FMNL1: variants seen among roughly 807,000 people sequenced by gnomAD.
The protein encoded by FMNL1 is formin-like protein 1.
In FMNL1, 43 loss-of-function variants were observed where a neutral mutation model predicts 121.3. That is an observed-to-expected ratio of 0.35 (90% CI 0.28 to 0.46). FMNL1 has a LOEUF of 0.46. Among genes scored for constraint, FMNL1 ranks in the 20% least tolerant of loss-of-function variants. The pLI is 1.00. For missense variants in FMNL1, 1,191 were observed against 1,482.4 expected (o/e 0.80, Z 3.23); for synonymous variants, 613 against 613.5 (o/e 1.00, Z 0.01).
rs2143366989 is a variant in FMNL1, at chr17:45,233,658, G to A, written c.412G>A (p.Glu138Lys). The A allele has an allele frequency of 6.2e-7, 1 of 1,614,040 alleles. No individual in the cohort carries two copies. Among genetic ancestry groups the A allele is most frequent in the Non-Finnish European group, 8.5e-7 (1 of 1,179,992 alleles). Reference protein sequence around the residue: ...LRTNHIGWVQEFLNEENRGLD... With the variant: ...LRTNHIGWVQKFLNEENRGLD... The stretch of plus-strand genomic sequence containing the variant: ...GCCCTGTGCCCACAGGTGGGTGCAG[G>A]AGTTCCTCAATGAAGAGAACCGTGG... The change falls in exon 5 of 27, where the codon GAG (glutamate) becomes AAG (lysine). Residue 138 changes from glutamate (E) to lysine (K), a missense_variant. Transcript: ENST00000331495. The surrounding 1 kb of genome is among the most constrained non-coding windows in gnomAD (Gnocchi z 4.1).
Position 45,222,256 on chromosome 17 carries a change from G to C in FMNL1, c.129+3G>C, listed in dbSNP as rs2043241194. 1.8e-5 allele frequency: 21 copies of C among 1,197,324 alleles called. No homozygotes were observed. The highest frequency in any genetic ancestry group is 1.9e-5 in the Non-Finnish European group (18 of 964,394). The allele number at this position is 1,197,324 out of a possible 1,614,324, so 74.2% of individuals were successfully genotyped here. A position where few individuals can be genotyped will look rare whatever the true frequency, so the allele number is the denominator to read the frequency against. On this transcript the variant is annotated splice_donor_region_variant and intron_variant, in intron 1 of 26. Transcript: ENST00000331495. ...AGGAGAGGTTCAACCGCGCCCTGGT[G>C]AGTGCGACCCGGAGGCGGGTCGGGC...
At chr17:45,234,875 C>T in intron 6 of FMNL1, 1 of 153,904 alleles carries the variant, frequency 6.5e-6, no homozygotes, top group Non-Finnish European at 1.4e-5. Flanking sequence ...GGGGCAGGTG[C>T]ATGCCTGGCT....
chr17:45,228,329 G>C (rs973096360), intron 1 of FMNL1, among the ~76,000 whole-genome samples: 2 of 152,132 alleles, frequency 1.3e-5, no homozygotes, highest in African/African-American at 4.8e-5. Context: ...GGTGGGGAAG[G>C]GGCATGGGCA....
At position 45,237,445 on chromosome 17, in the gene FMNL1, C is replaced by T; in HGVS notation, c.800+88C>T. 1 of 1,606,220 alleles carries T rather than the reference C, an allele frequency of 6.2e-7. No individual in the cohort carries two copies. Among genetic ancestry groups the T allele is most frequent in the South Asian group, 1.1e-5 (1 of 90,920 alleles). On this transcript the variant is annotated intron_variant, in intron 8 of 26. Transcript: ENST00000331495. This position sits in a 1 kb window ranked among gnomAD's most constrained non-coding sequence, Gnocchi z 4.4. The stretch of plus-strand genomic sequence containing the variant: ...TACTCTGTCCTCCAGGTCTCAGAGG[C>T]TCATTCTGCACCCACTATGCTCCTC...
At chr17:45,224,472 G>A (rs1021215215) in intron 1 of FMNL1, among the ~76,000 whole-genome samples, 2 of 152,176 alleles carry the variant, frequency 1.3e-5, no homozygotes, top group South Asian at 2.1e-4. Flanking sequence ...GGGGCCCACC[G>A]CCATCAGTGG....
At position 45,243,217 on chromosome 17, in the gene FMNL1, C is replaced by T. The variant is rs778060319; in HGVS notation, c.2110C>T (p.Pro704Ser). The T allele has an allele frequency of 6.2e-7, 1 of 1,614,212 alleles. No homozygotes were observed. Among genetic ancestry groups the T allele is most frequent in the Non-Finnish European group, 8.5e-7 (1 of 1,180,036 alleles). Residue 704 changes from proline (P) to serine (S), a missense_variant, in exon 17 of 27, where the codon CCC becomes TCC. Pro to Ser is a moderately conservative substitution (Grantham distance 74). Around this residue, in one of 4 missense-constraint regions of FMNL1, gnomAD observed 519 missense variants for 492.8 expected, o/e 1.05. Transcript: ENST00000331495. ...CAAGAGTAAGGCAGCCCAGAAGGCC[C>T]CCAGCAAGGCGACACTCATTGAGGC... is the stretch of plus-strand genomic sequence containing the variant. ...ALKSKAAQKA[P>S]SKATLIEANR...
intron 1 of FMNL1, among the ~76,000 whole-genome samples, chr17:45,226,473 A>G (rs745899771): frequency 6.6e-5 from 10 of 152,066 alleles, no homozygotes; most frequent in East Asian, 1.9e-4. Flanking sequence ...CAGGACCCAC[A>G]TTTCCCATTC....
Position 45,233,512 on chromosome 17 carries a change from C to A in FMNL1, c.402-136C>A. ...GCTGGGCTGTGGGACCCACCTGAGT[C>A]TCCCAGAATCCTTTGGTATCATTGG... On this transcript the variant is annotated intron_variant, in intron 4 of 26. Transcript: ENST00000331495. The surrounding 1 kb of genome is among the most constrained non-coding windows in gnomAD (Gnocchi z 4.1). 1 of 1,087,450 alleles carries A rather than the reference C, an allele frequency of 9.2e-7. No individual in the cohort carries two copies. The highest frequency in any genetic ancestry group is 1.5e-5 in the South Asian group (1 of 65,968). 67.4% of individuals were successfully genotyped at this position (1,087,450 alleles called of 1,614,324 possible).
At position 45,241,821 on chromosome 17, in the gene FMNL1, C is replaced by T; in HGVS notation, c.1586-26C>T. The T allele has an allele frequency of 7.1e-7, 1 of 1,412,764 alleles. No individual in the cohort carries two copies. Among genetic ancestry groups the T allele is most frequent in the Non-Finnish European group, 9.2e-7 (1 of 1,091,404 alleles). 87.5% of individuals were successfully genotyped at this position (1,412,764 alleles called of 1,614,324 possible). A position where few individuals can be genotyped will look rare whatever the true frequency, so the allele number is the denominator to read the frequency against. On this transcript the variant is annotated intron_variant, in intron 14 of 26. Coordinates refer to ENST00000331495, the MANE Select transcript of FMNL1 (RefSeq NM_005892.4). This position sits in a 1 kb window ranked among gnomAD's most constrained non-coding sequence, Gnocchi z 7.0. ...AGTCAAGGAGCTGACTCGCGCCTCCCCCACGCCGCGCCCTCGCTGGCTCAG... is the reference window on the plus strand; with the variant it reads ...AGTCAAGGAGCTGACTCGCGCCTCCTCCACGCCGCGCCCTCGCTGGCTCAG...
At chr17:45,236,543 A>G in intron 7 of FMNL1, 1 of 268,074 alleles carries the variant, frequency 3.7e-6, no homozygotes, top group Non-Finnish European at 7.1e-6. Context: ...CCAGGGGAGA[A>G]CAGCCTCGGG....
chr17:45,235,333 G>A (rs9903656), intron 6 of FMNL1, among the ~76,000 whole-genome samples: 11,021 of 152,240 alleles, frequency 0.072, 408 homozygotes, highest in Admixed American at 0.12. Flanking sequence ...AAAAGGTGAC[G>A]CTGGAACTGT....
chr17:45,246,042 C>T (rs1398692076), intron 24 of FMNL1, 69 bp downstream of exon 24: 1 of 1,513,874 alleles, frequency 6.6e-7, no homozygotes, highest in Non-Finnish European at 8.8e-7. Context: ...CCTCTGGTGC[C>T]ACCCCCACAC....
At chr17:45,245,183 A>C (rs1428027442) in intron 21 of FMNL1, 70 bp from the exon 22 acceptor site, 2 of 1,611,152 alleles carry the variant, frequency 1.2e-6, no homozygotes, top group Non-Finnish European at 1.7e-6. Context: ...CTAGGGGGCC[A>C]CAGTATATAA....
intron 1 of FMNL1, among the ~76,000 whole-genome samples, chr17:45,227,089 G>A (rs369787358): frequency 9.0e-4 from 137 of 152,122 alleles, no homozygotes; most frequent in African/African-American, 3.1e-3. Flanking sequence ...GGGGCTGGGG[G>A]ACAGGCTCAG....
At position 45,241,533 on chromosome 17, in the gene FMNL1, C is replaced by T. The variant is rs2043694049; in HGVS notation, c.1484C>T (p.Pro495Leu). ...EKGLIRILRG[P>L]GDAVSIEILP... ...GGGTTAATCCGTATTCTGCGGGGGC[C>T]GGGGGATGCTGTCTCCATCGAGATC... Residue 495 changes from proline to leucine, a missense_variant, in exon 14 of 27, where the codon CCG (proline) becomes CTG (leucine). Physicochemically the swap from Pro to Leu is moderately conservative, Grantham distance 98. This residue lies in a region of FMNL1 where 519 missense variants were observed against 492.8 expected (regional missense o/e 1.05). Coordinates refer to ENST00000331495, the MANE Select transcript of FMNL1 (RefSeq NM_005892.4). The surrounding 1 kb of genome is among the most constrained non-coding windows in gnomAD (Gnocchi z 7.0). 1 of 1,577,402 alleles carries T rather than the reference C, an allele frequency of 6.3e-7. No individual in the cohort carries two copies. The highest frequency in any genetic ancestry group is 8.6e-7 in the Non-Finnish European group (1 of 1,162,576).
At position 45,243,938 on chromosome 17, in the gene FMNL1, C is replaced by T; in HGVS notation, c.2361C>T (p.Cys787=). Residue 787 remains cysteine, a synonymous_variant, in exon 18 of 27, where the codon TGC becomes TGT. Coordinates refer to ENST00000331495, the MANE Select transcript of FMNL1 (RefSeq NM_005892.4). ...ELSEEDRFML[C]FSRIPRLPER... is the part of the protein sequence containing the mutation. Reference sequence around the variant, plus strand: ...CAGAGGAGGACCGCTTCATGCTATGCTTCAGCCGCATCCCGCGCCTGCCGG... The same window carrying T: ...CAGAGGAGGACCGCTTCATGCTATGTTTCAGCCGCATCCCGCGCCTGCCGG... 1 of 1,613,820 alleles carries T rather than the reference C, an allele frequency of 6.2e-7. No individual in the cohort carries two copies. Among genetic ancestry groups the T allele is most frequent in the South Asian group, 1.1e-5 (1 of 91,092 alleles).
Position 45,246,296 on chromosome 17 carries a change from C to T in FMNL1, c.3177C>T (p.Ser1059=), listed in dbSNP as rs35569365. The T allele has an allele frequency of 3.7e-4, 593 of 1,613,994 alleles. 3 individuals are homozygous for T. The African/African-American group carries it at 6.9e-3, about 19-fold the overall frequency. ...AGAAGGAGCCACTCATTTATGAGAG[C>T]GACCGTGATGGGGCCATTGAAGACA... is the stretch of plus-strand genomic sequence containing the variant. ...RQQKEPLIYE[S]DRDGAIEDII... Residue 1059 remains serine, a synonymous_variant, in exon 25 of 27, where the codon AGC becomes AGT. Transcript: ENST00000331495.
Position 45,243,111 on chromosome 17 carries a change from C to T in FMNL1, c.2011-7C>T, listed in dbSNP as rs1446256722. On this transcript the variant is annotated splice_polypyrimidine_tract_variant and splice_region_variant and intron_variant, in intron 16 of 26. Transcript: ENST00000331495. Reference sequence around the variant, plus strand: ...CCCAGCTCCGCCTCCTCACCCTGTACCTTCAGGAGCTAGACATGAGTGATT... The same window carrying T: ...CCCAGCTCCGCCTCCTCACCCTGTATCTTCAGGAGCTAGACATGAGTGATT... The T allele has an allele frequency of 6.2e-7, 1 of 1,614,078 alleles. No individual in the cohort carries two copies.
At position 45,237,250 on chromosome 17, in the gene FMNL1, C is replaced by G; in HGVS notation, c.724-31C>G. ...TGCCTGAAGTCCTGGGGGGCCCTTC[C>G]TGGAGACACTGACCTCTCCTCTCTC... On this transcript the variant is annotated intron_variant, in intron 7 of 26. Transcript: ENST00000331495. This position sits in a 1 kb window ranked among gnomAD's most constrained non-coding sequence, Gnocchi z 4.4. The G allele has an allele frequency of 1.2e-6, 2 of 1,611,428 alleles. No homozygotes were observed. Among genetic ancestry groups the G allele is most frequent in the East Asian group, 2.2e-5 (1 of 44,874 alleles).
Sources: allele counts gnomAD v4.1 joint callset (sites outside exome capture counted in the v4.1 genomes callset), GRCh38; gene constraint gnomAD v4.1.1; regional missense constraint gnomAD v4.1.1; non-coding constraint Gnocchi (gnomAD v3.1); transcripts MANE v1.5; gene names NCBI Gene and HGNC (gene_info 2026-07-23, HGNC 2026-07-21).